CCDC192: variants seen among roughly 807,000 people sequenced by gnomAD.
CCDC192 encodes the protein coiled-coil domain-containing protein 192.
chr5:127,815,018 C>T (rs1037226002), intron 5 of CCDC192, among the ~76,000 whole-genome samples: 2 of 152,068 alleles, frequency 1.3e-5, no homozygotes, highest in African/African-American at 4.8e-5. Context: ...TAATTCTTTG[C>T]ACCTCTCATG....
chr5:127,845,746 A>C (rs1292108288), intron 5 of CCDC192, among the ~76,000 whole-genome samples: 1 of 152,220 alleles, frequency 6.6e-6, no homozygotes, highest in Non-Finnish European at 1.5e-5. Flanking sequence ...AAAAAGCTAT[A>C]ACTCTTACTT....
At chr5:127,802,336 G>A (rs1757549503) in intron 5 of CCDC192, among the ~76,000 whole-genome samples, 1 of 152,110 alleles carries the variant, frequency 6.6e-6, no homozygotes, top group African/African-American at 2.4e-5. Flanking sequence ...GTGAGACATT[G>A]CTTGTCCATT....
chr5:127,749,041 A>G (rs1028383024), intron 2 of CCDC192, among the ~76,000 whole-genome samples: 1 of 152,234 alleles, frequency 6.6e-6, no homozygotes, highest in Non-Finnish European at 1.5e-5. Flanking sequence ...ATATACAATC[A>G]TGTCATCTGC....
intron 6 of CCDC192, among the ~76,000 whole-genome samples, chr5:127,920,329 A>G (rs1271509429): frequency 6.6e-6 from 1 of 151,832 alleles, no homozygotes; most frequent in Non-Finnish European, 1.5e-5. Context: ...TCATTGATTT[A>G]TCATCATCAA....
chr5:127,790,930 A>C (rs1007633253), intron 3 of CCDC192, among the ~76,000 whole-genome samples: 9 of 152,224 alleles, frequency 5.9e-5, no homozygotes, highest in African/African-American at 1.9e-4. Context: ...ATTTAGTTTC[A>C]CATATTTGCT....
chr5:127,750,294 A>T (rs1754065306), intron 2 of CCDC192, among the ~76,000 whole-genome samples: 2 of 152,186 alleles, frequency 1.3e-5, no homozygotes, highest in African/African-American at 4.8e-5. Flanking sequence ...AATGCATCCC[A>T]GAGATTCTGG....
intron 5 of CCDC192, among the ~76,000 whole-genome samples, chr5:127,840,559 G>A (rs1480172899): frequency 1.3e-5 from 2 of 151,958 alleles, no homozygotes; most frequent in Non-Finnish European, 2.9e-5. Context: ...ACAGAATAAA[G>A]ACAAGTACAA....
At chr5:127,890,263 G>T (rs1752695392) in intron 6 of CCDC192, among the ~76,000 whole-genome samples, 1 of 152,052 alleles carries the variant, frequency 6.6e-6, no homozygotes, top group Non-Finnish European at 1.5e-5. Flanking sequence ...TGTAGTTTCA[G>T]CTACTCAGGA....
chr5:127,929,632 A>G (rs570523243), intron 6 of CCDC192, among the ~76,000 whole-genome samples: 1 of 152,358 alleles, frequency 6.6e-6, no homozygotes, highest in African/African-American at 2.4e-5. Flanking sequence ...CTGATAAACA[A>G]TAGCAATGGA....
intron 6 of CCDC192, among the ~76,000 whole-genome samples, chr5:127,901,487 A>G (rs1753036322): frequency 1.3e-5 from 2 of 152,252 alleles, no homozygotes; most frequent in South Asian, 4.1e-4. Flanking sequence ...GTAGAAAAAT[A>G]TAGTTTAAAA....
At chr5:127,881,065 C>T (rs950557796) in intron 6 of CCDC192, among the ~76,000 whole-genome samples, 7 of 152,114 alleles carry the variant, frequency 4.6e-5, no homozygotes, top group Non-Finnish European at 1.0e-4. Context: ...CTTTAAAAGT[C>T]GATTCTTCTC....
At chr5:127,725,385 T>A (rs1216659857) in intron 2 of CCDC192, among the ~76,000 whole-genome samples, 4 of 152,216 alleles carry the variant, frequency 2.6e-5, no homozygotes, top group Non-Finnish European at 5.9e-5. Context: ...AACAGAAATA[T>A]ATTTCATGTT....
chr5:127,875,866 C>T (rs919860404), intron 6 of CCDC192, among the ~76,000 whole-genome samples: 9 of 151,868 alleles, frequency 5.9e-5, no homozygotes, highest in South Asian at 2.1e-4. Context: ...GCGGTTTGCT[C>T]GTTAAGGGAA....
chr5:127,937,666 C>T (rs1194862728), intron 6 of CCDC192, among the ~76,000 whole-genome samples: 2 of 152,222 alleles, frequency 1.3e-5, no homozygotes, highest in Non-Finnish European at 2.9e-5. Context: ...ACACTTGCTT[C>T]TCCTCTCATT....
intron 5 of CCDC192, among the ~76,000 whole-genome samples, chr5:127,841,602 T>C (rs150238816): frequency 1.5e-3 from 234 of 152,298 alleles, no homozygotes; most frequent in African/African-American, 5.4e-3. Context: ...ATGTAACCCC[T>C]CTGGAGCAAG....
At chr5:127,752,380 T>G (rs1754242487) in intron 2 of CCDC192, among the ~76,000 whole-genome samples, 1 of 152,104 alleles carries the variant, frequency 6.6e-6, no homozygotes. Flanking sequence ...CCGTGTGAGG[T>G]GTCAGTGTGC....
At chr5:127,822,304 G>C (rs1459445676) in intron 5 of CCDC192, among the ~76,000 whole-genome samples, 1 of 152,234 alleles carries the variant, frequency 6.6e-6, no homozygotes, top group East Asian at 1.9e-4. Context: ...ATCTGCCCAT[G>C]GGTCTTAGGA....
intron 2 of CCDC192, among the ~76,000 whole-genome samples, chr5:127,730,224 A>G (rs1264169085): frequency 3.9e-5 from 6 of 152,324 alleles, no homozygotes; most frequent in African/African-American, 1.4e-4. Context: ...ACAAACAACC[A>G]TCAGAGAATA....
intron 3 of CCDC192, among the ~76,000 whole-genome samples, chr5:127,779,710 C>A (rs1756078863): frequency 6.6e-6 from 1 of 152,162 alleles, no homozygotes; most frequent in African/African-American, 2.4e-5. Flanking sequence ...TCTTCTCAAT[C>A]TCCTTTGTTC....
Sources: gnomAD v4.1 joint callset for allele counts (sites outside exome capture counted in the v4.1 genomes callset) on GRCh38, gnomAD v4.1.1 for gene constraint, MANE v1.5 for transcripts, NCBI Gene and HGNC (gene_info 2026-07-23, HGNC 2026-07-21) for gene names.